TBC1D4: variants seen among roughly 807,000 people sequenced by gnomAD.
TBC1D4 encodes TBC1 domain family member 4, also known as TBC (Tre-2, BUB2, CDC16) domain-containing protein.
In TBC1D4, 121 loss-of-function variants were observed where a neutral mutation model predicts 142.5. The observed-to-expected ratio is 0.85, with a 90% CI of 0.73 to 0.99. The LOEUF (loss-of-function observed/expected upper bound fraction) is 0.99. TBC1D4 is among the 50% of genes least tolerant of loss of function. The probability of loss-of-function intolerance (pLI) is 0.00; values close to 1 mark genes in which losing one functional copy is unlikely to be tolerated. For missense variants in TBC1D4, 1,475 were observed against 1,606.6 expected (o/e 0.92, Z 1.40); for synonymous variants, 630 against 628.2 (o/e 1.00, Z -0.04).
At chr13:75,477,818 C>G (rs2138352176) in intron 1 of TBC1D4, among the ~76,000 whole-genome samples, 1 of 152,284 alleles carries the variant, frequency 6.6e-6, no homozygotes, top group Non-Finnish European at 1.5e-5. Context: ...GGATTAAGCC[C>G]TTTTCCCAGT....
chr13:75,305,654 G>C (rs1340271715), intron 15 of TBC1D4, among the ~76,000 whole-genome samples: 1 of 152,012 alleles, frequency 6.6e-6, no homozygotes, highest in Non-Finnish European at 1.5e-5. Flanking sequence ...GGGTATTTTG[G>C]AATTTTTATT....
At chr13:75,451,906 C>G (rs1192138404) in intron 1 of TBC1D4, among the ~76,000 whole-genome samples, 1 of 151,756 alleles carries the variant, frequency 6.6e-6, no homozygotes, top group Non-Finnish European at 1.5e-5. Flanking sequence ...TCCTGTGAAG[C>G]AAACCAAATA....
chr13:75,454,559 C>CA (rs1406410941), intron 1 of TBC1D4, among the ~76,000 whole-genome samples: 1 of 152,176 alleles, frequency 6.6e-6, no homozygotes, highest in East Asian at 1.9e-4. Flanking sequence ...AAGATGTTAT[C>CA]AGATCCAAAA....
At chr13:75,316,195 C>T (rs1045562361) in intron 12 of TBC1D4, among the ~76,000 whole-genome samples, 5 of 151,976 alleles carry the variant, frequency 3.3e-5, no homozygotes, top group Non-Finnish European at 5.9e-5. Flanking sequence ...GTGTTTAGAA[C>T]GTACTAAAAA....
Position 75,286,563 on chromosome 13 carries a change from ATATATT to A in TBC1D4, c.*223_*228del, listed in dbSNP as rs1874686235. 4.5e-6 allele frequency: 2 copies of A among 443,142 alleles called. No homozygotes were observed. Among genetic ancestry groups the A allele is most frequent in the East Asian group, 3.7e-5 (1 of 27,204 alleles). The allele number at this position is 443,142 out of a possible 1,614,324, so 27.5% of individuals were successfully genotyped here. ...AGCATGAACTATGTTCATTTTATAT[ATATATT>A]TATATGTACATAGCAACAACAAAAA... On this transcript the variant is annotated 3_prime_UTR_variant, in exon 21 of 21. Coordinates refer to ENST00000377636, the MANE Select transcript of TBC1D4 (RefSeq NM_014832.5).
rs1470721375 is a variant in TBC1D4, at chr13:75,302,416, A to C, written c.2753-15T>G. On this transcript the variant is annotated splice_polypyrimidine_tract_variant and intron_variant, in intron 15 of 20. Coordinates refer to ENST00000377636, the MANE Select transcript of TBC1D4 (RefSeq NM_014832.5). ...TTTGGGAACTCCTACAATGAAGGAG[A>C]TAAATAACCAAGGCCTTGAACTCTG... The C allele has an allele frequency of 6.2e-7, 1 of 1,613,952 alleles. No homozygotes were observed. Among genetic ancestry groups the C allele is most frequent in the Non-Finnish European group, 8.5e-7 (1 of 1,180,004 alleles).
At position 75,438,744 on chromosome 13, in the gene TBC1D4, G is replaced by T. The variant is rs141387766; in HGVS notation, c.498+42526C>A. ...CGACCTCAACGTCTATAGATAAACA[G>T]GCTACAAGTCTCTTAGATTCGTATA... On this transcript the variant is annotated intron_variant, in intron 1 of 20. Transcript: ENST00000377636. Among the ~76,000 whole-genome samples, 201 of 152,190 alleles carry T rather than the reference G, an allele frequency of 1.3e-3. 1 individual carries two copies. The highest frequency in any genetic ancestry group is 4.6e-3 in the African/African-American group (193 of 41,512).
chr13:75,404,563 G>A (rs778238687), intron 1 of TBC1D4, among the ~76,000 whole-genome samples: 11 of 152,064 alleles, frequency 7.2e-5, no homozygotes, highest in Non-Finnish European at 1.5e-4. Context: ...TTTTTCTCAT[G>A]ATTAGACTGA....
At chr13:75,322,523 T>C (rs1246679435) in intron 11 of TBC1D4, among the ~76,000 whole-genome samples, 1 of 152,126 alleles carries the variant, frequency 6.6e-6, no homozygotes, top group Non-Finnish European at 1.5e-5. Context: ...AGCAAATGAA[T>C]AACCTTATAT....
intron 13 of TBC1D4, 85 bp from the exon 14 acceptor site, chr13:75,310,236 T>A: frequency 7.5e-7 from 1 of 1,333,288 alleles, no homozygotes; most frequent in Non-Finnish European, 1.1e-6. Flanking sequence ...TCTCATCTGA[T>A]CTTCTACACT....
chr13:75,328,737 A>G (rs529307837), intron 8 of TBC1D4, among the ~76,000 whole-genome samples: 5 of 152,298 alleles, frequency 3.3e-5, no homozygotes, highest in African/African-American at 1.2e-4. Context: ...TTTTTTAACA[A>G]TGCATAACAT....
chr13:75,330,289 A>C (rs1879640521), intron 8 of TBC1D4, among the ~76,000 whole-genome samples: 1 of 152,152 alleles, frequency 6.6e-6, no homozygotes, highest in South Asian at 2.1e-4. Context: ...TTTTCAGATG[A>C]CTGTGTTTTA....
At chr13:75,466,832 C>A (rs1331469123) in intron 1 of TBC1D4, among the ~76,000 whole-genome samples, 1 of 151,686 alleles carries the variant, frequency 6.6e-6, no homozygotes, top group African/African-American at 2.4e-5. Flanking sequence ...AATCATGCCA[C>A]TGCACTCCAG....
At chr13:75,318,277 G>A (rs1878479961) in intron 12 of TBC1D4, among the ~76,000 whole-genome samples, 2 of 152,186 alleles carry the variant, frequency 1.3e-5, no homozygotes, top group Non-Finnish European at 1.5e-5. Flanking sequence ...ATACTGAGCA[G>A]CAACCTGCCT....
chr13:75,475,983 C>T (rs1888615484), intron 1 of TBC1D4, among the ~76,000 whole-genome samples: 1 of 152,130 alleles, frequency 6.6e-6, no homozygotes, highest in Non-Finnish European at 1.5e-5. Flanking sequence ...AGGCTCATAC[C>T]TGTAATCCCA....
chr13:75,299,735 T>G (rs1320239286), intron 16 of TBC1D4, among the ~76,000 whole-genome samples, 161 bp from the exon 17 acceptor site: 2 of 148,620 alleles, frequency 1.3e-5, no homozygotes, highest in Non-Finnish European at 3.0e-5. Flanking sequence ...TCTCCCTCTC[T>G]CACCCCAAGT....
At chr13:75,343,166 T>C (rs549783734) in intron 5 of TBC1D4, among the ~76,000 whole-genome samples, 1 of 152,356 alleles carries the variant, frequency 6.6e-6, no homozygotes, top group East Asian at 1.9e-4. Context: ...AGTAAACTGA[T>C]TTAATAGATT....
Position 75,362,375 on chromosome 13 carries a change from C to T in TBC1D4, c.731G>A (p.Arg244His). The T allele has an allele frequency of 6.2e-7, 1 of 1,614,224 alleles. No homozygotes were observed. The highest frequency in any genetic ancestry group is 8.5e-7 in the Non-Finnish European group (1 of 1,180,038). ...QQRLKIQGEQ[R>H]GPDPGEDLAD... ...CAGGTCCTCTCCTGGGTCCGGACCG[C>T]GCTGCTCCCCTTGGATCTTCAGGCG... The change falls in exon 2 of 21, where the codon CGC becomes CAC. Residue 244 changes from arginine to histidine, a missense_variant. Physicochemically the swap from Arg to His is conservative, Grantham distance 29. This residue lies in a region of TBC1D4 where 1,227 missense variants were observed against 1,267.7 expected (regional missense o/e 0.97). Coordinates refer to ENST00000377636, the MANE Select transcript of TBC1D4 (RefSeq NM_014832.5). The surrounding 1 kb of genome is among the most constrained non-coding windows in gnomAD (Gnocchi z 4.2).
chr13:75,362,469 T>C lies in TBC1D4; in HGVS notation c.637A>G (p.Thr213Ala). Reference protein sequence around the residue: ...EVLYCGKVTVTHKKAPSSLID... With the variant: ...EVLYCGKVTVAHKKAPSSLID... ...AGGCTTGAGGGGGCCTTCTTGTGGG[T>C]CACGGTCACCTTTCCACAGTACAGG... Residue 213 changes from threonine to alanine, a missense_variant, in exon 2 of 21, where the codon ACC becomes GCC. Thr to Ala is a moderately conservative substitution (Grantham distance 58). Around this residue, in one of 2 missense-constraint regions of TBC1D4, gnomAD observed 1,227 missense variants for 1,267.7 expected, o/e 0.97. Coordinates refer to ENST00000377636, the MANE Select transcript of TBC1D4 (RefSeq NM_014832.5). The surrounding 1 kb of genome is among the most constrained non-coding windows in gnomAD (Gnocchi z 4.2). 3.7e-6 allele frequency: 6 copies of C among 1,614,232 alleles called. No individual in the cohort carries two copies. Among genetic ancestry groups the C allele is most frequent in the Non-Finnish European group, 5.1e-6 (6 of 1,180,046 alleles).
Sources: gnomAD v4.1 joint callset for allele counts (sites outside exome capture counted in the v4.1 genomes callset) on GRCh38, gnomAD v4.1.1 for gene constraint, gnomAD v4.1.1 regional missense constraint, Gnocchi (gnomAD v3.1) non-coding constraint, MANE v1.5 for transcripts, NCBI Gene and HGNC (gene_info 2026-07-23, HGNC 2026-07-21) for gene names.